The following CCDC171 variants were observed in gnomAD, a reference collection of about 807,000 sequenced individuals.
The protein encoded by CCDC171 is coiled-coil domain containing 171.
CCDC171 carries 177 observed loss-of-function variants against 168.2 expected under a neutral mutation model. That is an observed-to-expected ratio of 1.05 (90% confidence interval 0.93 to 1.19). CCDC171 has a LOEUF of 1.19. CCDC171 is among the 50% of genes most tolerant of loss of function. The pLI is 0.00. For missense variants in CCDC171, 1,991 were observed against 1,539.0 expected (o/e 1.29, Z -4.91); for synonymous variants, 687 against 540.8 (o/e 1.27, Z -3.75).
At chr9:15,975,685 CAT>C (rs1309110817), downstream of CCDC171, among the ~76,000 whole-genome samples, 1 of 152,132 alleles carries the variant, frequency 6.6e-6, no homozygotes, top group African/African-American at 2.4e-5. Context: ...AAAATAATGA[CAT>C]ATGCCAAATA....
chr9:15,835,330 T>C (rs2060396427), intron 21 of CCDC171, among the ~76,000 whole-genome samples: 1 of 152,256 alleles, frequency 6.6e-6, no homozygotes, highest in Admixed American at 6.5e-5. Context: ...CTTTGTTTAC[T>C]AGAGCACATT....
intron 21 of CCDC171, among the ~76,000 whole-genome samples, chr9:15,842,374 G>C (rs1192019561): frequency 6.6e-6 from 1 of 151,978 alleles, no homozygotes; most frequent in African/African-American, 2.4e-5. Flanking sequence ...GAAGAGATAT[G>C]CATACCCTTT....
intron 11 of CCDC171, among the ~76,000 whole-genome samples, chr9:15,710,033 T>G (rs1208312807): frequency 1.3e-5 from 2 of 152,292 alleles, no homozygotes; most frequent in Non-Finnish European, 2.9e-5. Flanking sequence ...AATACAGATA[T>G]CTGCTGTATT....
chr9:15,758,054 C>G (rs538114578), intron 18 of CCDC171, among the ~76,000 whole-genome samples: 2 of 152,278 alleles, frequency 1.3e-5, no homozygotes, highest in Non-Finnish European at 2.9e-5. Flanking sequence ...CACACAGAGT[C>G]CCTACTGGGG....
intron 7 of CCDC171, among the ~76,000 whole-genome samples, chr9:15,641,335 ATC>A (rs2046587217): frequency 6.6e-6 from 1 of 152,184 alleles, no homozygotes; most frequent in South Asian, 2.1e-4. Flanking sequence ...TAAATTTCAT[ATC>A]TCAGTTTTTC....
intron 24 of CCDC171, among the ~76,000 whole-genome samples, chr9:15,898,345 C>G (rs1224932662): frequency 6.6e-6 from 1 of 152,124 alleles, no homozygotes; most frequent in African/African-American, 2.4e-5. Flanking sequence ...TGCATATACC[C>G]CTCAGATTAC....
chr9:15,797,600 A>G (rs1211201498), intron 21 of CCDC171, among the ~76,000 whole-genome samples: 5 of 151,970 alleles, frequency 3.3e-5, no homozygotes, highest in Non-Finnish European at 5.9e-5. Context: ...TTCTTTTTTC[A>G]CATATATTAA....
chr9:15,700,807 A>G (rs1358354548), intron 11 of CCDC171, among the ~76,000 whole-genome samples: 1 of 151,850 alleles, frequency 6.6e-6, no homozygotes, highest in African/African-American at 2.4e-5. Flanking sequence ...TTTTTGAGAA[A>G]TCTCCATACT....
At position 15,744,619 on chromosome 9, in the gene CCDC171, G is replaced by A. The variant is rs772838312; in HGVS notation, c.2396G>A (p.Arg799His). ...AAGAAAACATTCAAAGGATTGATAC[G>A]TATATTTCGGAAAGGTGTTATTGCT... is the stretch of plus-strand genomic sequence containing the variant. ...MKKKTFKGLI[R>H]IFRKGVIAVL... The change falls in exon 17 of 26, where the codon CGT becomes CAT. Residue 799 changes from arginine to histidine, a missense_variant. By Grantham distance (29) the Arg-to-His change is conservative. Coordinates refer to ENST00000380701, the MANE Select transcript of CCDC171 (RefSeq NM_173550.4). The A allele has an allele frequency of 1.5e-5, 24 of 1,614,008 alleles. No individual in the cohort carries two copies. The highest frequency in any genetic ancestry group is 3.3e-5 in the Admixed American group (2 of 59,984).
At chr9:15,818,174 G>A (rs1327786911) in intron 21 of CCDC171, among the ~76,000 whole-genome samples, 1 of 116,686 alleles carries the variant, frequency 8.6e-6, no homozygotes, top group Non-Finnish European at 1.9e-5. Flanking sequence ...AAGGGGACAT[G>A]CACACCAAAA....
intron 6 of CCDC171, among the ~76,000 whole-genome samples, chr9:15,600,946 T>C (rs1306376956): frequency 6.6e-6 from 1 of 152,204 alleles, no homozygotes; most frequent in Non-Finnish European, 1.5e-5. Flanking sequence ...AAGCGCGGGA[T>C]ACAATCTCCT....
chr9:15,904,167 T>A (rs946055703), intron 24 of CCDC171, among the ~76,000 whole-genome samples: 2 of 152,010 alleles, frequency 1.3e-5, no homozygotes, highest in Non-Finnish European at 2.9e-5. Flanking sequence ...ATTCAGGAAA[T>A]ATAGAGAATG....
At chr9:15,695,188 C>T (rs1382169144) in intron 10 of CCDC171, 47 bp from the exon 11 acceptor site, 1 of 1,224,496 alleles carries the variant, frequency 8.2e-7, no homozygotes, top group South Asian at 1.2e-5. Flanking sequence ...AAATATGCAG[C>T]TCTTATAATA....
At chr9:15,584,404 C>T (rs764689750) in intron 4 of CCDC171, among the ~76,000 whole-genome samples, 1 of 152,094 alleles carries the variant, frequency 6.6e-6, no homozygotes, top group African/African-American at 2.4e-5. Flanking sequence ...GATATGAAGA[C>T]GCAAAGAACC....
At chr9:15,707,927 A>G (rs1353913040) in intron 11 of CCDC171, among the ~76,000 whole-genome samples, 1 of 152,210 alleles carries the variant, frequency 6.6e-6, no homozygotes, top group African/African-American at 2.4e-5. Context: ...GGCTCACTGC[A>G]ACCTCCACCT....
chr9:15,570,992 C>T lies in CCDC171; in HGVS notation c.42-632C>T, dbSNP rs80229593. Among the ~76,000 whole-genome samples, 429 of 152,250 alleles carry T rather than the reference C, an allele frequency of 2.8e-3. 3 individuals carry two copies. The highest frequency in any genetic ancestry group is 9.7e-3 in the African/African-American group (402 of 41,558). On this transcript the variant is annotated intron_variant, in intron 2 of 25. Transcript: ENST00000380701. ...TCTGAGGATGTAATTATTTTGTTGG[C>T]AGACTTTCAAATAATTCTCCTGTTT... is the stretch of plus-strand genomic sequence containing the variant.
intron 25 of CCDC171, 72 bp downstream of exon 25, chr9:15,920,494 G>T (rs1825170559): frequency 9.0e-7 from 1 of 1,106,724 alleles, no homozygotes; most frequent in Non-Finnish European, 1.3e-6. Flanking sequence ...TGTTTTTAAT[G>T]TTCATAAGAT....
At chr9:15,695,916 A>C (rs1333371888) in intron 11 of CCDC171, among the ~76,000 whole-genome samples, 1 of 152,236 alleles carries the variant, frequency 6.6e-6, no homozygotes, top group African/African-American at 2.4e-5. Flanking sequence ...AATTAGGTAG[A>C]CATATTTTGA....
At position 15,841,555 on chromosome 9, in the gene CCDC171, G is replaced by T. The variant is rs530163084; in HGVS notation, c.3268-5147G>T. Among the ~76,000 whole-genome samples the T allele has an allele frequency of 2.6e-5, 4 of 151,930 alleles. No individual in the cohort carries two copies. The East Asian group carries it at 7.7e-4, about 29-fold the overall frequency. On this transcript the variant is annotated intron_variant, in intron 21 of 25. Coordinates refer to ENST00000380701, the MANE Select transcript of CCDC171 (RefSeq NM_173550.4). ...AAATATGTCACCTACTTTCTGTGTA[G>T]GTATTACTAGAAAACAATAAAAGAT...
Sources: gnomAD v4.1 joint callset for allele counts (sites outside exome capture counted in the v4.1 genomes callset) on GRCh38, gnomAD v4.1.1 for gene constraint, MANE v1.5 for transcripts, NCBI Gene and HGNC (gene_info 2026-07-23, HGNC 2026-07-21) for gene names.